TSPAN18: variants seen among roughly 807,000 people sequenced by gnomAD.
The protein encoded by TSPAN18 is tetraspanin 18, also known as tetraspanin-18.
A neutral mutation model predicts 27.3 loss-of-function variants in TSPAN18; 14 were observed. That is an observed-to-expected ratio of 0.51 (90% CI 0.34 to 0.80). TSPAN18 has a LOEUF of 0.80. Among genes scored for constraint, TSPAN18 ranks in the 30% least tolerant of loss-of-function variants. TSPAN18 has a pLI of 0.01. For synonymous variants in TSPAN18, 143 were observed against 136.5 expected (o/e 1.05, Z -0.33); for missense variants, 268 against 323.9 (o/e 0.83, Z 1.32).
At chr11:44,909,595 G>T in intron 4 of TSPAN18, 110 bp from the exon 5 acceptor site, 1 of 1,138,626 alleles carries the variant, frequency 8.8e-7, no homozygotes, top group Non-Finnish European at 1.2e-6. Flanking sequence ...GGCTCACCTA[G>T]TGCTTGATGC....
intron 2 of TSPAN18, among the ~76,000 whole-genome samples, chr11:44,786,064 C>T (rs1856050142): frequency 6.6e-6 from 1 of 152,256 alleles, no homozygotes; most frequent in Non-Finnish European, 1.5e-5. Context: ...GAGGGCCCCA[C>T]CCAGCTAGCT....
intron 3 of TSPAN18, among the ~76,000 whole-genome samples, chr11:44,894,468 G>C (rs1858968026): frequency 6.6e-6 from 1 of 152,234 alleles, no homozygotes; most frequent in Admixed American, 6.5e-5. Context: ...GCATGCCTGG[G>C]GGCGGGGGGG....
intron 8 of TSPAN18, among the ~76,000 whole-genome samples, chr11:44,921,969 C>T (rs1459638349): frequency 6.6e-6 from 1 of 152,144 alleles, no homozygotes; most frequent in Non-Finnish European, 1.5e-5. Context: ...CTCTGTTGTT[C>T]CTGAGGGTCT....
intron 2 of TSPAN18, among the ~76,000 whole-genome samples, chr11:44,774,940 G>A (rs1483900593): frequency 6.6e-6 from 1 of 152,192 alleles, no homozygotes; most frequent in Non-Finnish European, 1.5e-5. Flanking sequence ...ACTCAGGCAT[G>A]TGTTCAATAG....
intron 2 of TSPAN18, among the ~76,000 whole-genome samples, chr11:44,821,035 G>C (rs1177043718): frequency 6.6e-6 from 1 of 152,170 alleles, no homozygotes; most frequent in Non-Finnish European, 1.5e-5. Context: ...TTCCTCCAGA[G>C]CAATACATAT....
chr11:44,915,937 C>G (rs998382325), intron 5 of TSPAN18, among the ~76,000 whole-genome samples: 2 of 152,188 alleles, frequency 1.3e-5, no homozygotes, highest in Admixed American at 6.5e-5. Context: ...ACCTCAGGGG[C>G]TCAGGAGCCC....
intron 3 of TSPAN18, chr11:44,903,366 C>T (rs1232459763): frequency 1.1e-5 from 5 of 453,670 alleles, no homozygotes; most frequent in African/African-American, 8.0e-5. Context: ...CTCTGGGGGA[C>T]TCTCCTTTGA....
In TSPAN18 at chr11:44,727,157, C is replaced by T. The variant is rs1204634503; in HGVS notation, c.-370C>T. The T allele has an allele frequency of 6.7e-5, 10 of 149,562 alleles. No individual in the cohort carries two copies. The highest frequency in any genetic ancestry group is 2.4e-4 in the African/African-American group (10 of 41,036). The allele number at this position is 149,562 out of a possible 1,614,324, so 9.3% of individuals were successfully genotyped here. A position where few individuals can be genotyped will look rare whatever the true frequency, so the allele number is the denominator to read the frequency against. On this transcript the variant is annotated 5_prime_UTR_variant, in exon 1 of 10. Coordinates refer to ENST00000520358, the MANE Select transcript of TSPAN18 (RefSeq NM_130783.5). ...GCGCCGCCGCCTCGCGCTGCGGGTC[C>T]CCGGACGCGCCGCCACCGCCGGGAA...
chr11:44,863,870 G>C (rs1239345180), intron 3 of TSPAN18, among the ~76,000 whole-genome samples: 1 of 152,190 alleles, frequency 6.6e-6, no homozygotes, highest in Admixed American at 6.5e-5. Context: ...GCACCTGCCA[G>C]GGATCAGCAT....
chr11:44,758,828 G>A (rs184881183), intron 1 of TSPAN18, among the ~76,000 whole-genome samples: 1,561 of 152,190 alleles, frequency 0.01, 22 homozygotes, highest in African/African-American at 0.035. Flanking sequence ...TCAGGTTTGC[G>A]GGGGCACAAA....
At chr11:44,786,657 A>G (rs835859) in intron 2 of TSPAN18, among the ~76,000 whole-genome samples, 99,407 of 138,892 alleles carry the variant, frequency 0.72, 35,963 homozygotes, top group Middle Eastern at 0.79. Flanking sequence ...TTAAAGACAG[A>G]GTTTCACTCT....
intron 3 of TSPAN18, among the ~76,000 whole-genome samples, chr11:44,874,886 A>G (rs1858288792): frequency 6.6e-6 from 1 of 152,170 alleles, no homozygotes; most frequent in Admixed American, 6.5e-5. Context: ...AGAGAATTCC[A>G]CTGGAAGAGG....
chr11:44,911,861 G>A (rs1859729083), intron 5 of TSPAN18, among the ~76,000 whole-genome samples: 3 of 152,150 alleles, frequency 2.0e-5, no homozygotes, highest in African/African-American at 2.4e-5. Context: ...CGATCCTCCC[G>A]AGAGAGGTGA....
chr11:44,915,931 CAG>C lies in TSPAN18; in HGVS notation c.259-2040_259-2039del, dbSNP rs1859892097. 2.6e-5 allele frequency among the ~76,000 whole-genome samples: 4 copies of C among 152,312 alleles called. No individual in the cohort carries two copies. In the South Asian group the frequency reaches 8.3e-4, roughly 32 times the overall value. On this transcript the variant is annotated intron_variant, in intron 5 of 9. Transcript: ENST00000520358. ...GAGCAGCTGGAGCCCAGTGAGACCT[CAG>C]GGGCTCAGGAGCCCATGGTGCATCT...
At position 44,909,595 on chromosome 11, in the gene TSPAN18, G is replaced by A. The variant is rs556214077; in HGVS notation, c.64-110G>A. On this transcript the variant is annotated intron_variant, in intron 4 of 9. Coordinates refer to ENST00000520358, the MANE Select transcript of TSPAN18 (RefSeq NM_130783.5). The stretch of plus-strand genomic sequence containing the variant: ...GGTGAATTCCTGCCTGGCTCACCTA[G>A]TGCTTGATGCCTCTGACCCTGGGGC... 35 of 1,138,626 alleles carry A rather than the reference G, an allele frequency of 3.1e-5. No homozygotes were observed. In the South Asian group the frequency reaches 4.9e-4, roughly 16 times the overall value. The allele number at this position is 1,138,626 out of a possible 1,614,324, so 70.5% of individuals were successfully genotyped here.
chr11:44,770,985 A>G (rs1000449426), intron 2 of TSPAN18, among the ~76,000 whole-genome samples: 1 of 152,110 alleles, frequency 6.6e-6, no homozygotes, highest in Non-Finnish European at 1.5e-5. Context: ...ATTAGCCACT[A>G]AAGTGGAGGT....
At chr11:44,902,056 A>C (rs568841766) in intron 3 of TSPAN18, among the ~76,000 whole-genome samples, 1 of 152,288 alleles carries the variant, frequency 6.6e-6, no homozygotes, top group South Asian at 2.1e-4. Context: ...CCAAGAGCTG[A>C]AAGGAGAGAT....
intron 2 of TSPAN18, among the ~76,000 whole-genome samples, chr11:44,765,766 A>G (rs529400087): frequency 6.6e-6 from 1 of 152,362 alleles, no homozygotes; most frequent in East Asian, 1.9e-4. Context: ...TAGCCAAATC[A>G]TCTCTCTGAA....
At chr11:44,758,919 T>A (rs573824851) in intron 1 of TSPAN18, among the ~76,000 whole-genome samples, 2 of 152,320 alleles carry the variant, frequency 1.3e-5, no homozygotes, top group East Asian at 3.9e-4. Context: ...CCTACCCCTG[T>A]TGAAGATAGG....
Sources: gnomAD v4.1 joint callset for allele counts (sites outside exome capture counted in the v4.1 genomes callset) on GRCh38, gnomAD v4.1.1 for gene constraint, MANE v1.5 for transcripts, NCBI Gene and HGNC (gene_info 2026-07-23, HGNC 2026-07-21) for gene names.